The following KLF12 variants were observed in gnomAD, a reference collection of about 807,000 sequenced individuals.
KLF12 encodes the protein KLF transcription factor 12, also known as Krueppel-like factor 12.
In KLF12, 9 loss-of-function variants were observed where a neutral mutation model predicts 37.8. That is an observed-to-expected ratio of 0.24 (90% CI 0.14 to 0.42). The LOEUF (loss-of-function observed/expected upper bound fraction) is 0.42, where lower values mean the gene tolerates loss of function less well. Ranked by LOEUF, KLF12 falls within the 10% of genes least tolerant of loss-of-function variation. The pLI is 1.00. For missense variants in KLF12, 411 were observed against 516.0 expected (o/e 0.80, Z 1.97); for synonymous variants, 208 against 202.1 (o/e 1.03, Z -0.25).
intron 4 of KLF12, chr13:73,844,706 AC>A (rs1057131201): frequency 2.0e-5 from 3 of 152,164 alleles, no homozygotes; most frequent in Admixed American, 6.5e-5. Flanking sequence ...ATTTATTCCC[AC>A]CTCATACAAG....
chr13:73,748,209 A>G (rs563567598), intron 6 of KLF12, among the ~76,000 whole-genome samples: 5 of 152,182 alleles, frequency 3.3e-5, no homozygotes, highest in Non-Finnish European at 7.3e-5. Context: ...CCTTTGTCAC[A>G]CAGAAGACAA....
At position 73,937,185 on chromosome 13, in the gene KLF12, T is replaced by C. The variant is rs1163554464; in HGVS notation, c.123+6796A>G. ...AGCCTGGCGACAGAGCGAGACTCCG[T>C]CTCAAAAAAAAATAAATAAATAAAA... On this transcript the variant is annotated intron_variant, in intron 3 of 7. Transcript: ENST00000377669. Among the ~76,000 whole-genome samples the C allele has an allele frequency of 6.9e-4, 73 of 105,856 alleles. 1 individual carries two copies. The highest frequency in any genetic ancestry group is 3.1e-3 in the South Asian group (10 of 3,274). The allele number at this position is 105,856 out of a possible 152,430, so 69.4% of individuals were successfully genotyped here. A position where few individuals can be genotyped will look rare whatever the true frequency, so the allele number is the denominator to read the frequency against.
chr13:74,140,234 A>T, the KLF12 span, among the ~76,000 whole-genome samples: 1 of 152,232 alleles, frequency 6.6e-6, no homozygotes, highest in Non-Finnish European at 1.5e-5. Context: ...GTATTTTATC[A>T]GTTTATGGCC....
chr13:73,869,341 T>G (rs1886349968), intron 3 of KLF12, among the ~76,000 whole-genome samples: 1 of 152,150 alleles, frequency 6.6e-6, no homozygotes, highest in Admixed American at 6.5e-5. Flanking sequence ...ATACTGATGG[T>G]ACTTTTTCAA....
At chr13:73,893,372 T>TC (rs1488837729) in intron 3 of KLF12, among the ~76,000 whole-genome samples, 3 of 136,152 alleles carry the variant, frequency 2.2e-5, no homozygotes, top group African/African-American at 8.2e-5. Flanking sequence ...ATATTGACTT[T>TC]TTTTTTTTTT....
chr13:74,179,694 C>G, the KLF12 span, among the ~76,000 whole-genome samples: 1 of 152,264 alleles, frequency 6.6e-6, no homozygotes, highest in African/African-American at 2.4e-5. Context: ...GTTGCTTTAT[C>G]AAAATCAACA....
At chr13:74,025,092 A>G (rs980493986) in intron 1 of KLF12, among the ~76,000 whole-genome samples, 1 of 152,244 alleles carries the variant, frequency 6.6e-6, no homozygotes, top group Admixed American at 6.5e-5. Flanking sequence ...GTTTAAAGAA[A>G]GCAAACTCCT....
chr13:73,700,497 TC>T (rs1264225740), intron 7 of KLF12, among the ~76,000 whole-genome samples: 3 of 151,546 alleles, frequency 2.0e-5, no homozygotes, highest in African/African-American at 4.9e-5. Flanking sequence ...ACTTTTACGA[TC>T]CCCCCAAAAA....
chr13:74,017,436 C>A (rs1892720853), intron 1 of KLF12, among the ~76,000 whole-genome samples: 1 of 151,268 alleles, frequency 6.6e-6, no homozygotes, highest in African/African-American at 2.4e-5. Flanking sequence ...CTCTTCTCTT[C>A]ATTGGGAAAT....
chr13:73,897,756 T>A (rs1295825190), intron 3 of KLF12, among the ~76,000 whole-genome samples: 1 of 152,310 alleles, frequency 6.6e-6, no homozygotes, highest in East Asian at 1.9e-4. Flanking sequence ...CAATCTATTA[T>A]CTCCCAATAA....
the KLF12 span, among the ~76,000 whole-genome samples, chr13:74,192,869 A>C: frequency 1.0e-3 from 152 of 152,246 alleles, no homozygotes; most frequent in African/African-American, 3.5e-3. Flanking sequence ...TTTCCCCACT[A>C]TCACACTATT....
chr13:74,015,436 G>T (rs1344586075), intron 1 of KLF12, among the ~76,000 whole-genome samples: 2 of 152,072 alleles, frequency 1.3e-5, no homozygotes, highest in Admixed American at 1.3e-4. Flanking sequence ...TTATCACAGT[G>T]CCCAGCACAT....
intron 1 of KLF12, among the ~76,000 whole-genome samples, chr13:74,047,374 G>A (rs146537811): frequency 2.6e-5 from 4 of 151,826 alleles, no homozygotes; most frequent in Non-Finnish European, 5.9e-5. Context: ...GGCAGATCAC[G>A]AGGTCAGGAG....
At chr13:74,157,276 C>A in the KLF12 span, among the ~76,000 whole-genome samples, 25 of 152,186 alleles carry the variant, frequency 1.6e-4, no homozygotes, top group African/African-American at 3.9e-4. Context: ...TTCCAAGTAT[C>A]TCTTTATGAC....
At chr13:74,146,461 A>G in the KLF12 span, among the ~76,000 whole-genome samples, 2 of 152,160 alleles carry the variant, frequency 1.3e-5, no homozygotes, top group African/African-American at 4.8e-5. Context: ...AGCTTGAAAA[A>G]ACTCTACGTA....
At chr13:74,292,524 C>T in the KLF12 span, among the ~76,000 whole-genome samples, 1 of 151,622 alleles carries the variant, frequency 6.6e-6, no homozygotes, top group Admixed American at 6.6e-5. Flanking sequence ...TCTACATGAC[C>T]TGTCTCCTTA....
intron 3 of KLF12, among the ~76,000 whole-genome samples, chr13:73,916,482 C>T (rs1448046120): frequency 1.3e-5 from 2 of 152,064 alleles, no homozygotes; most frequent in Non-Finnish European, 2.9e-5. Flanking sequence ...CCACAACACC[C>T]CAGAATCCTC....
At chr13:74,181,665 C>T in the KLF12 span, among the ~76,000 whole-genome samples, 2 of 147,038 alleles carry the variant, frequency 1.4e-5, no homozygotes, top group Non-Finnish European at 3.0e-5. Flanking sequence ...CACCACTGCA[C>T]TCTAGCCTGG....
At chr13:74,139,678 T>C in the KLF12 span, among the ~76,000 whole-genome samples, 1 of 152,164 alleles carries the variant, frequency 6.6e-6, no homozygotes, top group Non-Finnish European at 1.5e-5. Context: ...TTAGATAGCA[T>C]TCTACTGTGT....
Sources: allele counts gnomAD v4.1 joint callset (sites outside exome capture counted in the v4.1 genomes callset), GRCh38; gene constraint gnomAD v4.1.1; transcripts MANE v1.5; gene names NCBI Gene and HGNC (gene_info 2026-07-23, HGNC 2026-07-21).